The following MARCHF1 variants were observed in gnomAD, a reference collection of about 807,000 sequenced individuals.
The protein encoded by MARCHF1 is membrane associated ring-CH-type finger 1.
Under a neutral mutation model 54.2 loss-of-function variants are expected in MARCHF1, and 40 were observed. That is an observed-to-expected ratio of 0.74 (90% CI 0.57 to 0.96). The LOEUF (loss-of-function observed/expected upper bound fraction) is 0.96. Ranked by LOEUF, MARCHF1 falls within the 40% of genes least tolerant of loss-of-function variation. The pLI, the probability that MARCHF1 is intolerant of heterozygous loss-of-function variation, is 0.00. For missense variants in MARCHF1, 586 were observed against 656.5 expected (o/e 0.89, Z 1.17); for synonymous variants, 236 against 236.3 (o/e 1.00, Z 0.01).
At chr4:163,574,237 C>T (rs542079024) in intron 8 of MARCHF1, among the ~76,000 whole-genome samples, 26 of 151,550 alleles carry the variant, frequency 1.7e-4, no homozygotes, top group South Asian at 6.3e-4. Flanking sequence ...GATTAGGTTG[C>T]GAAAATTTTC....
At chr4:164,242,846 G>A (rs1246331533) in intron 1 of MARCHF1, among the ~76,000 whole-genome samples, 1 of 151,364 alleles carries the variant, frequency 6.6e-6, no homozygotes, top group Non-Finnish European at 1.5e-5. Flanking sequence ...AGCCTCAGGA[G>A]CCGATGCGAT....
chr4:164,159,599 T>C (rs1388877401), intron 1 of MARCHF1, among the ~76,000 whole-genome samples: 1 of 152,182 alleles, frequency 6.6e-6, no homozygotes, highest in Non-Finnish European at 1.5e-5. Flanking sequence ...TTTCCTCATG[T>C]AGCAGATCAT....
chr4:164,298,783 A>C (rs1029588095), intron 1 of MARCHF1, among the ~76,000 whole-genome samples: 2 of 152,154 alleles, frequency 1.3e-5, no homozygotes, highest in African/African-American at 4.8e-5. Flanking sequence ...CTCTAGAAAG[A>C]AGGTTATATT....
chr4:163,695,080 T>C lies in MARCHF1; in HGVS notation c.162+5733A>G, dbSNP rs542107405. ...AAGGGATAGATGATTTATAGGTCCA[T>C]TGTGTTAGCAAACCAAAATGGATCT... is the stretch of plus-strand genomic sequence containing the variant. On this transcript the variant is annotated intron_variant, in intron 5 of 9. Transcript: ENST00000514618. Among the ~76,000 whole-genome samples the C allele has an allele frequency of 7.2e-5, 11 of 152,286 alleles. No individual in the cohort carries two copies. The East Asian group carries it at 9.7e-4, about 13-fold the overall frequency.
intron 3 of MARCHF1, among the ~76,000 whole-genome samples, chr4:163,899,231 CCCT>C (rs1396190169): frequency 6.6e-6 from 1 of 152,054 alleles, no homozygotes; most frequent in South Asian, 2.1e-4. Flanking sequence ...AATTTGTTCC[CCCT>C]CCTCAATTCA....
chr4:164,289,057 T>A (rs1304373381), intron 1 of MARCHF1, among the ~76,000 whole-genome samples: 1 of 152,058 alleles, frequency 6.6e-6, no homozygotes, highest in East Asian at 1.9e-4. Flanking sequence ...CTTTTCCTGG[T>A]ATTTGCTACA....
chr4:163,755,366 G>A (rs1283056092), intron 4 of MARCHF1, among the ~76,000 whole-genome samples: 1 of 152,112 alleles, frequency 6.6e-6, no homozygotes, highest in Non-Finnish European at 1.5e-5. Context: ...ACATCATGAG[G>A]CTGGTGATGG....
intron 3 of MARCHF1, among the ~76,000 whole-genome samples, chr4:163,983,039 C>A (rs1752793275): frequency 6.6e-6 from 1 of 152,134 alleles, no homozygotes; most frequent in African/African-American, 2.4e-5. Flanking sequence ...GTTCTCTGAA[C>A]ACTGTTACCA....
At chr4:163,608,778 TC>T (rs1255192376) in intron 7 of MARCHF1, among the ~76,000 whole-genome samples, 3 of 151,964 alleles carry the variant, frequency 2.0e-5, no homozygotes, top group Non-Finnish European at 2.9e-5. Flanking sequence ...GGAGCTTCTT[TC>T]TTTTTTGTGG....
chr4:163,768,277 C>T (rs762890324), intron 4 of MARCHF1, among the ~76,000 whole-genome samples: 1 of 152,136 alleles, frequency 6.6e-6, no homozygotes, highest in Non-Finnish European at 1.5e-5. Context: ...TCAACTGACA[C>T]ATATTCTCAG....
At position 164,301,542 on chromosome 4, in the gene MARCHF1, G is replaced by A. The variant is rs530744199; in HGVS notation, c.-323+82328C>T. 4.6e-5 allele frequency among the ~76,000 whole-genome samples: 7 copies of A among 152,182 alleles called. No individual in the cohort carries two copies. In the South Asian group the frequency reaches 1.0e-3, roughly 23 times the overall value. ...GTGCTCAGGAGAGCGGATAGGGCTC[G>A]GTTTGTACATTAGGGAATCATGAGC... On this transcript the variant is annotated intron_variant, in intron 1 of 9. Transcript: ENST00000514618.
At chr4:163,575,181 A>C (rs1373964515) in intron 8 of MARCHF1, among the ~76,000 whole-genome samples, 1 of 152,080 alleles carries the variant, frequency 6.6e-6, no homozygotes, top group Non-Finnish European at 1.5e-5. Flanking sequence ...CTTTAGATGT[A>C]GATGGCTCTT....
At chr4:164,005,267 G>C (rs1231829444) in intron 2 of MARCHF1, among the ~76,000 whole-genome samples, 1 of 152,110 alleles carries the variant, frequency 6.6e-6, no homozygotes, top group Non-Finnish European at 1.5e-5. Flanking sequence ...AACAAAGTGT[G>C]AGTAGCCCTA....
At chr4:163,617,050 T>G (rs1243462156) in intron 5 of MARCHF1, among the ~76,000 whole-genome samples, 1 of 152,154 alleles carries the variant, frequency 6.6e-6, no homozygotes, top group East Asian at 1.9e-4. Context: ...GTGATATATA[T>G]GCATAATACA....
At chr4:164,281,755 C>A (rs1203729602) in intron 1 of MARCHF1, among the ~76,000 whole-genome samples, 1 of 152,070 alleles carries the variant, frequency 6.6e-6, no homozygotes, top group Admixed American at 6.6e-5. Context: ...GACTTGAGAC[C>A]ATTGTGGAGC....
At chr4:163,930,153 G>C (rs1398391122) in intron 3 of MARCHF1, among the ~76,000 whole-genome samples, 1 of 150,428 alleles carries the variant, frequency 6.6e-6, no homozygotes, top group Non-Finnish European at 1.5e-5. Flanking sequence ...GTATTTTTAA[G>C]GTATACAGAA....
chr4:163,964,492 C>T (rs78480103), intron 3 of MARCHF1, among the ~76,000 whole-genome samples: 81 of 151,930 alleles, frequency 5.3e-4, no homozygotes, highest in Middle Eastern at 3.4e-3. Context: ...AAAATAAGGC[C>T]CAAGAATTTA....
intron 3 of MARCHF1, among the ~76,000 whole-genome samples, chr4:163,922,846 C>T (rs1751460965): frequency 6.6e-6 from 1 of 151,954 alleles, no homozygotes. Context: ...CATAAAAAAT[C>T]AAATGCATTT....
rs1390249592 is a variant in MARCHF1, at chr4:163,733,198, T to C, written c.112-32335A>G. On this transcript the variant is annotated intron_variant, in intron 4 of 9. Transcript: ENST00000514618. ...GTGTGTATATATATATATATATATATATATATATATATATATATATATACA... is the reference window on the plus strand; with the variant it reads ...GTGTGTATATATATATATATATATACATATATATATATATATATATATACA... 1.0e-4 allele frequency among the ~76,000 whole-genome samples: 3 copies of C among 29,216 alleles called. 1 individual carries two copies. Among genetic ancestry groups the C allele is most frequent in the African/African-American group, 3.1e-4 (3 of 9,748 alleles). The allele number at this position is 29,216 out of a possible 152,430, so 19.2% of individuals were successfully genotyped here. A position where few individuals can be genotyped will look rare whatever the true frequency, so the allele number is the denominator to read the frequency against.
Sources: allele counts gnomAD v4.1 joint callset (sites outside exome capture counted in the v4.1 genomes callset), GRCh38; gene constraint gnomAD v4.1.1; transcripts MANE v1.5; gene names NCBI Gene and HGNC (gene_info 2026-07-23, HGNC 2026-07-21).